ZNF740: variants seen among roughly 807,000 people sequenced by gnomAD.
ZNF740 encodes the protein oriLyt TD-element-binding protein 7.
Under a neutral mutation model 24.8 loss-of-function variants are expected in ZNF740, and 14 were observed. The observed-to-expected ratio is 0.56, with a 90% CI of 0.37 to 0.88. The LOEUF is 0.88. Among genes scored for constraint, ZNF740 ranks in the 40% least tolerant of loss-of-function variants. ZNF740 has a pLI of 0.00. For synonymous variants in ZNF740, 69 were observed against 84.0 expected, an observed-to-expected ratio of 0.82 and a Z score of 0.98; for missense variants, 201 against 247.9, an observed-to-expected ratio of 0.81 and a Z score of 1.27.
In ZNF740 at chr12:53,193,595, G is replaced by A. The variant is rs1565700145; in HGVS notation, c.*6005G>A. 3 of 959,858 alleles carry A rather than the reference G, an allele frequency of 3.1e-6. No homozygotes were observed. Among genetic ancestry groups the A allele is most frequent in the Non-Finnish European group, 4.6e-6 (3 of 650,388 alleles). The allele number at this position is 959,858 out of a possible 1,614,324, so 59.5% of individuals were successfully genotyped here. A position where few individuals can be genotyped will look rare whatever the true frequency, so the allele number is the denominator to read the frequency against. The stretch of plus-strand genomic sequence containing the variant: ...TTCAAGGGATGAAACTGAGTGGGGA[G>A]TCGGGATGTCGAGGAGACTCCTGTG... On this transcript the variant is annotated 3_prime_UTR_variant, in exon 7 of 7. Transcript: ENST00000416904.
At chr12:53,186,530 A>G (rs750629455) in intron 6 of ZNF740, 21 bp downstream of exon 6, 2 of 1,530,592 alleles carry the variant, frequency 1.3e-6, no homozygotes, top group South Asian at 1.2e-5. Context: ...TCCCTGCTAC[A>G]ATACCCCACA....
intron 1 of ZNF740, chr12:53,181,159 G>A: frequency 1.0e-6 from 1 of 984,666 alleles, no homozygotes; most frequent in Non-Finnish European, 1.2e-6. Context: ...TGGCCGGAGC[G>A]AGGCGGGCGA....
At position 53,192,584 on chromosome 12, in the gene ZNF740, C is replaced by A; in HGVS notation, c.*4994C>A. The stretch of plus-strand genomic sequence containing the variant: ...GGTTACCAGCTGGGCAGTTGTCACC[C>A]AATGCCCCTTGCCCAACTACAAGCA... On this transcript the variant is annotated 3_prime_UTR_variant, in exon 7 of 7. Coordinates refer to ENST00000416904, the MANE Select transcript of ZNF740 (RefSeq NM_001004304.4). 1 of 1,598,588 alleles carries A rather than the reference C, an allele frequency of 6.3e-7. No individual in the cohort carries two copies. The highest frequency in any genetic ancestry group is 8.6e-7 in the Non-Finnish European group (1 of 1,167,478).
chr12:53,189,637 G>T lies in ZNF740; in HGVS notation c.*2047G>T, dbSNP rs1941890177. Reference sequence around the variant, plus strand: ...CTATGCTGACACTCCCATTTGATGTGGTCCAGAACTTAGACCTCAGTCCTT... The same window carrying T: ...CTATGCTGACACTCCCATTTGATGTTGTCCAGAACTTAGACCTCAGTCCTT... On this transcript the variant is annotated 3_prime_UTR_variant, in exon 7 of 7. Coordinates refer to ENST00000416904, the MANE Select transcript of ZNF740 (RefSeq NM_001004304.4). The T allele has an allele frequency of 6.6e-6, 1 of 152,052 alleles. No individual in the cohort carries two copies. The highest frequency in any genetic ancestry group is 2.4e-5 in the African/African-American group (1 of 41,388). The allele number at this position is 152,052 out of a possible 1,614,324, so 9.4% of individuals were successfully genotyped here.
chr12:53,191,827 T>G lies in ZNF740; in HGVS notation c.*4237T>G, dbSNP rs771901960. 3.1e-6 allele frequency: 5 copies of G among 1,612,782 alleles called. No homozygotes were observed. In the South Asian group the frequency reaches 4.4e-5, roughly 14 times the overall value. The stretch of plus-strand genomic sequence containing the variant: ...GCTGGTCTTGTGGTGGGGGAACAGC[T>G]AAAAAGGGGCCTAACCAGGAAGTCT... On this transcript the variant is annotated 3_prime_UTR_variant, in exon 7 of 7. Coordinates refer to ENST00000416904, the MANE Select transcript of ZNF740 (RefSeq NM_001004304.4).
intron 4 of ZNF740, among the ~76,000 whole-genome samples, 190 bp downstream of exon 4, chr12:53,185,666 T>C (rs1401785034): frequency 6.6e-6 from 1 of 152,142 alleles, no homozygotes; most frequent in East Asian, 1.9e-4. Flanking sequence ...GGAACAGTAA[T>C]GGTACAGGTT....
At chr12:53,181,126 G>T in intron 1 of ZNF740, 2 of 967,350 alleles carry the variant, frequency 2.1e-6, no homozygotes, top group South Asian at 9.6e-5. Context: ...CTCCCGGTTG[G>T]TGCAGCGGGT....
At position 53,184,547 on chromosome 12, in the gene ZNF740, G is replaced by A. The variant is rs147495935; in HGVS notation, c.10-344G>A. Among the ~76,000 whole-genome samples the A allele has an allele frequency of 6.3e-3, 962 of 152,270 alleles. 12 individuals carry two copies. The highest frequency in any genetic ancestry group is 0.021 in the African/African-American group (893 of 41,546). ...CTGAAGGAATCTCCTGTGTCAGTGG[G>A]TTAGCAAGATGGAACCTCATACCCA... On this transcript the variant is annotated intron_variant, in intron 2 of 6. Coordinates refer to ENST00000416904, the MANE Select transcript of ZNF740 (RefSeq NM_001004304.4).
In ZNF740 at chr12:53,182,857, G is replaced by A. The variant is rs114404222; in HGVS notation, c.9+865G>A. On this transcript the variant is annotated intron_variant, in intron 2 of 6. Coordinates refer to ENST00000416904, the MANE Select transcript of ZNF740 (RefSeq NM_001004304.4). ...CCTCGCTAAGTTAAGCAGCAGAGTA[G>A]CATCAGATCAGTGTTATGTAGAAGG... 1.4e-3 allele frequency among the ~76,000 whole-genome samples: 206 copies of A among 152,336 alleles called. 1 individual carries two copies. Among genetic ancestry groups the A allele is most frequent in the African/African-American group, 4.8e-3 (199 of 41,582 alleles).
rs1942051451 is a variant in ZNF740 at position 53,193,643 on chromosome 12, G to T, written c.*6053G>T. Reference sequence around the variant, plus strand: ...GTGGGGGGGATGGAAAGCAGCGGAGGAATACGGGCCAGGGTTGGTTGGTTG... The same window carrying T: ...GTGGGGGGGATGGAAAGCAGCGGAGTAATACGGGCCAGGGTTGGTTGGTTG... On this transcript the variant is annotated 3_prime_UTR_variant, in exon 7 of 7. Transcript: ENST00000416904. 5.1e-6 allele frequency: 7 copies of T among 1,380,706 alleles called. No homozygotes were observed. The highest frequency in any genetic ancestry group is 6.0e-6 in the Non-Finnish European group (6 of 1,006,786). The allele number at this position is 1,380,706 out of a possible 1,614,324, so 85.5% of individuals were successfully genotyped here. A position where few individuals can be genotyped will look rare whatever the true frequency, so the allele number is the denominator to read the frequency against.
chr12:53,184,156 C>CGT (rs1565690741), intron 2 of ZNF740, among the ~76,000 whole-genome samples: 1 of 106,050 alleles, frequency 9.4e-6, no homozygotes, highest in African/African-American at 5.1e-5. Context: ...TGTGTGCGCG[C>CGT]GCGCGCTCTG....
At chr12:53,186,564 C>T in intron 6 of ZNF740, 55 bp downstream of exon 6, 1 of 1,399,684 alleles carries the variant, frequency 7.1e-7, no homozygotes, top group Non-Finnish European at 9.9e-7. Flanking sequence ...CCCCAAGAAT[C>T]AGGGCCACCC....
intron 2 of ZNF740, among the ~76,000 whole-genome samples, chr12:53,184,174 G>T (rs1482415589): frequency 8.1e-6 from 1 of 123,736 alleles, no homozygotes; most frequent in Non-Finnish European, 1.6e-5. Context: ...CTGAAGCTAA[G>T]GGGTGTGTGT....
rs1287427180 is a variant in ZNF740, at chr12:53,190,931, A to G, written c.*3341A>G. ...AGTTGTTTTCCTTTTTTCTCCCTACATAATCACCCCACAACTTCCAGCACC... is the reference window on the plus strand; with the variant it reads ...AGTTGTTTTCCTTTTTTCTCCCTACGTAATCACCCCACAACTTCCAGCACC... On this transcript the variant is annotated 3_prime_UTR_variant, in exon 7 of 7. Coordinates refer to ENST00000416904, the MANE Select transcript of ZNF740 (RefSeq NM_001004304.4). 6.5e-6 allele frequency: 1 copy of G among 153,100 alleles called. No individual in the cohort carries two copies. Among genetic ancestry groups the G allele is most frequent in the African/African-American group, 2.4e-5 (1 of 41,392 alleles). 9.5% of individuals were successfully genotyped at this position (153,100 alleles called of 1,614,324 possible). A position where few individuals can be genotyped will look rare whatever the true frequency, so the allele number is the denominator to read the frequency against.
At chr12:53,183,997 C>G (rs1054998806) in intron 2 of ZNF740, among the ~76,000 whole-genome samples, 1 of 152,050 alleles carries the variant, frequency 6.6e-6, no homozygotes, top group South Asian at 2.1e-4. Flanking sequence ...GCACTCCAGC[C>G]TGGGCGACAG....
At position 53,193,243 on chromosome 12, in the gene ZNF740, A is replaced by T. The variant is rs1450305949; in HGVS notation, c.*5653A>T. ...AGCTGCAGCGTCCACATTGACAGTG[A>T]CCCTTTCCACTGCACAGGGGCCCTG... On this transcript the variant is annotated 3_prime_UTR_variant, in exon 7 of 7. Transcript: ENST00000416904. 6.2e-7 allele frequency: 1 copy of T among 1,613,928 alleles called. No individual in the cohort carries two copies. Among genetic ancestry groups the T allele is most frequent in the Non-Finnish European group, 8.5e-7 (1 of 1,179,992 alleles).
At chr12:53,182,142 G>A in intron 2 of ZNF740, 150 bp downstream of exon 2, 1 of 1,136,398 alleles carries the variant, frequency 8.8e-7, no homozygotes, top group African/African-American at 1.6e-5. Context: ...AAGGAAAGGA[G>A]ACAGGCCACA....
chr12:53,181,993 G>A lies in ZNF740; in HGVS notation c.9+1G>A. On this transcript the variant is annotated splice_donor_variant, in intron 2 of 6. Coordinates refer to ENST00000416904, the MANE Select transcript of ZNF740 (RefSeq NM_001004304.4). LOFTEE classifies it high-confidence loss of function. ...TAAGTGAGAAATCAGCATGGCTCAG[G>A]TAAAAAGCTCTAGAGTCCTCCTCCA... 6.2e-7 allele frequency: 1 copy of A among 1,608,040 alleles called. No individual in the cohort carries two copies. The highest frequency in any genetic ancestry group is 1.1e-5 in the South Asian group (1 of 89,620).
Position 53,193,941 on chromosome 12 carries a change from C to T in ZNF740, c.*6351C>T, listed in dbSNP as rs541649721. ...GAATCAGGCCATGGTTATACACATG[C>T]ACACACACATACCCCAAACTCACCA... On this transcript the variant is annotated 3_prime_UTR_variant, in exon 7 of 7. Coordinates refer to ENST00000416904, the MANE Select transcript of ZNF740 (RefSeq NM_001004304.4). 2.4e-5 allele frequency: 37 copies of T among 1,554,374 alleles called. 2 individuals are homozygous for T. The South Asian group carries it at 4.2e-4, about 18-fold the overall frequency.
Sources: allele counts gnomAD v4.1 joint callset (sites outside exome capture counted in the v4.1 genomes callset), GRCh38; gene constraint gnomAD v4.1.1; transcripts MANE v1.5; gene names NCBI Gene and HGNC (gene_info 2026-07-23, HGNC 2026-07-21).